Variants in PREX1 observed in about 807,000 individuals in gnomAD.
PREX1 encodes phosphatidylinositol 3,4,5-trisphosphate-dependent Rac exchanger 1 protein.
A neutral mutation model predicts 198.3 loss-of-function variants in PREX1; 41 were observed. That is an observed-to-expected ratio of 0.21 (90% confidence interval 0.16 to 0.27). The LOEUF is 0.27. Among genes scored for constraint, PREX1 ranks in the 10% least tolerant of loss-of-function variants. The pLI is 1.00. For missense variants in PREX1, 1,620 were observed against 2,200.7 expected (o/e 0.74, Z 5.28); for synonymous variants, 843 against 887.2 (o/e 0.95, Z 0.89).
At chr20:48,677,964 C>A (rs185736038) in intron 13 of PREX1, among the ~76,000 whole-genome samples, 2 of 151,652 alleles carry the variant, frequency 1.3e-5, no homozygotes, top group East Asian at 3.9e-4. Context: ...CCAGCCTGGG[C>A]AACAGACCGA....
At chr20:48,642,593 A>G in intron 27 of PREX1, 104 bp from the exon 28 acceptor site, 1 of 1,018,076 alleles carries the variant, frequency 9.8e-7, no homozygotes, top group South Asian at 1.6e-5. Context: ...CTCCAAACCC[A>G]CAAGGGATGT....
intron 5 of PREX1, among the ~76,000 whole-genome samples, chr20:48,723,383 T>TG (rs963774436): frequency 5.9e-4 from 90 of 151,630 alleles, no homozygotes; most frequent in African/African-American, 2.0e-3. Context: ...ACTCCGGAGG[T>TG]GGGGGGGACA....
chr20:48,819,838 G>T (rs2090476231), intron 1 of PREX1, among the ~76,000 whole-genome samples: 1 of 152,238 alleles, frequency 6.6e-6, no homozygotes, highest in Non-Finnish European at 1.5e-5. Context: ...GGTGCTGAAT[G>T]GCCATTTATT....
intron 1 of PREX1, among the ~76,000 whole-genome samples, chr20:48,814,680 A>T (rs1333100729): frequency 6.6e-6 from 1 of 152,190 alleles, no homozygotes; most frequent in Non-Finnish European, 1.5e-5. Context: ...GGATTCGATT[A>T]ACCTCCATGT....
intron 1 of PREX1, among the ~76,000 whole-genome samples, chr20:48,783,849 G>A (rs1397964939): frequency 6.6e-6 from 1 of 152,202 alleles, no homozygotes. Flanking sequence ...TACCCCAAAT[G>A]AGCTGGCCAC....
chr20:48,716,150 C>A (rs1423584173), intron 5 of PREX1, among the ~76,000 whole-genome samples: 1 of 152,170 alleles, frequency 6.6e-6, no homozygotes, highest in South Asian at 2.1e-4. Flanking sequence ...GCAGCATTAG[C>A]CCCTCCAGGA....
chr20:48,752,811 C>T (rs1470376925), intron 1 of PREX1, among the ~76,000 whole-genome samples: 1 of 152,140 alleles, frequency 6.6e-6, no homozygotes, highest in Non-Finnish European at 1.5e-5. Flanking sequence ...TTTGGGGAAT[C>T]CACAATAAGA....
At chr20:48,673,140 G>A (rs561276961) in intron 14 of PREX1, among the ~76,000 whole-genome samples, 1 of 152,300 alleles carries the variant, frequency 6.6e-6, no homozygotes, top group African/African-American at 2.4e-5. Context: ...CTGCAGTGGG[G>A]GCTGCCTGAG....
intron 4 of PREX1, among the ~76,000 whole-genome samples, chr20:48,728,651 T>C (rs1404869783): frequency 1.3e-5 from 2 of 152,188 alleles, no homozygotes; most frequent in Non-Finnish European, 1.5e-5. Context: ...ATGTCAGCTC[T>C]GGGCAGAGTG....
chr20:48,742,416 T>C (rs916728879), intron 3 of PREX1, among the ~76,000 whole-genome samples: 6 of 152,260 alleles, frequency 3.9e-5, no homozygotes, highest in African/African-American at 1.4e-4. Context: ...ATGAGAAAAC[T>C]GAGGCACAGA....
In PREX1 at chr20:48,679,637, C is replaced by T. The variant is rs370119547; in HGVS notation, c.1539+14G>A. 1.6e-5 allele frequency: 26 copies of T among 1,587,130 alleles called. No homozygotes were observed. The highest frequency in any genetic ancestry group is 2.2e-5 in the East Asian group (1 of 44,754). ...GCCAGCTGAGTCAGAGTCACAGGGG[C>T]GGAGGGCCCCTACCTTGGACATGAT... On this transcript the variant is annotated intron_variant, in intron 12 of 39. Coordinates refer to ENST00000371941, the MANE Select transcript of PREX1 (RefSeq NM_020820.4).
chr20:48,846,787 G>A, the PREX1 span, among the ~76,000 whole-genome samples: 3 of 152,120 alleles, frequency 2.0e-5, no homozygotes, highest in African/African-American at 7.2e-5. Flanking sequence ...CTCCCTCGGG[G>A]ACCAGAGGGC....
chr20:48,656,404 T>A, intron 18 of PREX1: 4 of 361,490 alleles, frequency 1.1e-5, no homozygotes, highest in South Asian at 6.6e-5. Flanking sequence ...TCCCCATGGG[T>A]CCTTGCCAGG....
chr20:48,863,586 CTTTT>C, the PREX1 span, among the ~76,000 whole-genome samples: 2 of 104,348 alleles, frequency 1.9e-5, no homozygotes, highest in Admixed American at 1.0e-4. Flanking sequence ...TTCATATTGT[CTTTT>C]TTTTTTTTTT....
At chr20:48,676,116 T>C (rs2089707113) in intron 14 of PREX1, 77 bp downstream of exon 14, 2 of 1,418,188 alleles carry the variant, frequency 1.4e-6, no homozygotes, top group South Asian at 1.2e-5. Flanking sequence ...TAAGAAAAAA[T>C]CTTTAAACAA....
At chr20:48,882,181 T>C in the PREX1 span, among the ~76,000 whole-genome samples, 1 of 151,950 alleles carries the variant, frequency 6.6e-6, no homozygotes, top group Non-Finnish European at 1.5e-5. Flanking sequence ...TGCTTCCAGG[T>C]TTGGGGTATT....
At chr20:48,697,539 C>T (rs371011720) in intron 7 of PREX1, among the ~76,000 whole-genome samples, 1 of 152,160 alleles carries the variant, frequency 6.6e-6, no homozygotes, top group South Asian at 2.1e-4. Flanking sequence ...TGCCACCACA[C>T]CTGGCTAATT....
intron 2 of PREX1, among the ~76,000 whole-genome samples, chr20:48,746,988 ACACACACACACACACACACACACC>A: frequency 1.3e-5 from 1 of 79,590 alleles, no homozygotes; most frequent in African/African-American, 4.2e-5. Flanking sequence ...ACACACACAC[ACACACACACACACACACACACACC>A]CCACCCCCAG....
chr20:48,862,910 C>A, the PREX1 span, among the ~76,000 whole-genome samples: 1 of 150,732 alleles, frequency 6.6e-6, no homozygotes, highest in Non-Finnish European at 1.5e-5. Context: ...CAGCCTCAAA[C>A]TTCTAGGCTC....
Sources: gnomAD v4.1 joint callset for allele counts (sites outside exome capture counted in the v4.1 genomes callset) on GRCh38, gnomAD v4.1.1 for gene constraint, MANE v1.5 for transcripts, NCBI Gene and HGNC (gene_info 2026-07-23, HGNC 2026-07-21) for gene names.